CEP128: variants seen among roughly 807,000 people sequenced by gnomAD.
CEP128 encodes centrosomal protein 128kDa.
CEP128 carries 132 observed loss-of-function variants against 156.7 expected under a neutral mutation model. The observed-to-expected ratio is 0.84, with a 90% CI of 0.73 to 0.97. The LOEUF (loss-of-function observed/expected upper bound fraction) is 0.97. Ranked by LOEUF, CEP128 falls within the 50% of genes least tolerant of loss-of-function variation. The probability of loss-of-function intolerance (pLI) is 0.00; values close to 1 mark genes in which losing one functional copy is unlikely to be tolerated. For missense variants in CEP128, 1,252 were observed against 1,281.9 expected (o/e 0.98, Z 0.36); for synonymous variants, 469 against 448.9 (o/e 1.04, Z -0.57).
intron 9 of CEP128, among the ~76,000 whole-genome samples, chr14:80,853,479 C>T (rs2140126109): frequency 6.6e-6 from 1 of 151,064 alleles, no homozygotes; most frequent in East Asian, 1.9e-4. Flanking sequence ...GCCAGTTGTA[C>T]CCCTGTATAC....
At chr14:80,802,603 G>A (rs911497076) in intron 13 of CEP128, among the ~76,000 whole-genome samples, 4 of 151,854 alleles carry the variant, frequency 2.6e-5, no homozygotes, top group African/African-American at 9.7e-5. Flanking sequence ...AACCACCATG[G>A]CACACATATA....
At chr14:80,886,560 T>C (rs905660018) in intron 8 of CEP128, among the ~76,000 whole-genome samples, 1 of 152,168 alleles carries the variant, frequency 6.6e-6, no homozygotes, top group East Asian at 1.9e-4. Flanking sequence ...AATAAAATCC[T>C]TTACAAACAA....
chr14:80,484,919 T>C (rs191372080), intron 14 of CEP128, among the ~76,000 whole-genome samples: 1 of 152,208 alleles, frequency 6.6e-6, no homozygotes, highest in African/African-American at 2.4e-5. Context: ...CTCTAAGAAA[T>C]ACAGTCCCAA....
At chr14:80,835,923 G>T (rs1886049600) in intron 12 of CEP128, among the ~76,000 whole-genome samples, 1 of 152,186 alleles carries the variant, frequency 6.6e-6, no homozygotes, top group Non-Finnish European at 1.5e-5. Flanking sequence ...ATGGGAATCG[G>T]AGGCTGGAAA....
chr14:80,678,766 G>A (rs1047116151), intron 19 of CEP128, among the ~76,000 whole-genome samples: 20 of 152,110 alleles, frequency 1.3e-4, no homozygotes, highest in African/African-American at 4.8e-4. Flanking sequence ...AAAGACACCT[G>A]GAAAAGCTGC....
chr14:80,479,609 G>C, intron 14 of CEP128, among the ~76,000 whole-genome samples: 1 of 152,124 alleles, frequency 6.6e-6, no homozygotes, highest in Non-Finnish European at 1.5e-5. Flanking sequence ...TGGGAATTCT[G>C]GGAGGTAGAA....
intron 4 of CEP128, among the ~76,000 whole-genome samples, chr14:80,914,108 A>G (rs1349102807): frequency 6.6e-6 from 1 of 152,202 alleles, no homozygotes; most frequent in African/African-American, 2.4e-5. Context: ...TCTCTGATGT[A>G]AAGCCTTCAA....
rs142062270 is a variant in CEP128 at position 80,705,986 on chromosome 14, G to A, written c.2806+37089C>T. 7.3e-3 allele frequency among the ~76,000 whole-genome samples: 1,116 copies of A among 152,232 alleles called. 12 individuals are homozygous for A. The highest frequency in any genetic ancestry group is 0.025 in the African/African-American group (1,056 of 41,546). On this transcript the variant is annotated intron_variant, in intron 19 of 24. Transcript: ENST00000555265. ...ACAAGGATGTTGTGTTGTACCACAA[G>A]CAGGTATATATCATCTACATGCTTC...
At chr14:80,922,814 A>C (rs1884944633) in intron 2 of CEP128, among the ~76,000 whole-genome samples, 1 of 152,252 alleles carries the variant, frequency 6.6e-6, no homozygotes, top group Admixed American at 6.5e-5. Context: ...AAGAACTGCT[A>C]AATTTGAAGA....
chr14:80,658,974 A>C (rs1213642183), intron 19 of CEP128, among the ~76,000 whole-genome samples: 1 of 152,212 alleles, frequency 6.6e-6, no homozygotes, highest in Non-Finnish European at 1.5e-5. Flanking sequence ...ACTGACCCAC[A>C]TGAGCAGAAA....
At position 80,519,488 on chromosome 14, in the gene CEP128, G is replaced by A. The variant is rs991036083; in HGVS notation, c.3072+7381C>T. ...TCCCCTGGAGAGAAGGAACAAACAC[G>A]TATGTATTTCAGATTCCCTGGCAAA... On this transcript the variant is annotated intron_variant, in intron 23 of 24. Coordinates refer to ENST00000555265, the MANE Select transcript of CEP128 (RefSeq NM_152446.5). 4.6e-5 allele frequency among the ~76,000 whole-genome samples: 7 copies of A among 152,234 alleles called. No homozygotes were observed. The South Asian group carries it at 1.2e-3, about 27-fold the overall frequency.
intron 13 of CEP128, among the ~76,000 whole-genome samples, chr14:80,799,756 G>A (rs1022583554): frequency 6.6e-6 from 1 of 152,138 alleles, no homozygotes; most frequent in African/African-American, 2.4e-5. Context: ...TTACTAGGGT[G>A]GGGAAAAACT....
intron 19 of CEP128, among the ~76,000 whole-genome samples, chr14:80,653,901 G>C (rs1895021207): frequency 6.6e-6 from 1 of 152,068 alleles, no homozygotes; most frequent in South Asian, 2.1e-4. Context: ...TTATATCCTG[G>C]CATTAAGGAA....
At chr14:80,865,710 A>G (rs1230912159) in intron 8 of CEP128, among the ~76,000 whole-genome samples, 1 of 152,132 alleles carries the variant, frequency 6.6e-6, no homozygotes, top group Admixed American at 6.5e-5. Flanking sequence ...CCCTCTTGCC[A>G]GTCATCTTCT....
chr14:80,743,002 G>GT (rs1898909752), intron 19 of CEP128, 73 bp downstream of exon 19: 2 of 1,376,502 alleles, frequency 1.5e-6, no homozygotes, highest in South Asian at 1.2e-5. Context: ...ACAGAAGTAG[G>GT]TTTTTTTCCA....
At chr14:80,724,289 C>T (rs1439669973) in intron 19 of CEP128, among the ~76,000 whole-genome samples, 1 of 152,152 alleles carries the variant, frequency 6.6e-6, no homozygotes, top group Non-Finnish European at 1.5e-5. Flanking sequence ...ATCCACCCAA[C>T]ATTTGTGGTG....
At chr14:80,732,000 C>G (rs1898294615) in intron 19 of CEP128, among the ~76,000 whole-genome samples, 1 of 151,882 alleles carries the variant, frequency 6.6e-6, no homozygotes, top group Non-Finnish European at 1.5e-5. Flanking sequence ...GTTGAAGATA[C>G]CATAATAAAT....
chr14:80,748,368 CTACT>C (rs959592482), intron 18 of CEP128, among the ~76,000 whole-genome samples: 8 of 152,280 alleles, frequency 5.3e-5, no homozygotes, highest in African/African-American at 1.9e-4. Context: ...TTATAATTTT[CTACT>C]GAAGCACTAA....
intron 21 of CEP128, among the ~76,000 whole-genome samples, chr14:80,548,253 C>A (rs909726474): frequency 2.0e-5 from 3 of 152,084 alleles, no homozygotes; most frequent in African/African-American, 7.2e-5. Context: ...GACTATTAAT[C>A]AGATACTATT....
Sources: gnomAD v4.1 joint callset for allele counts (sites outside exome capture counted in the v4.1 genomes callset) on GRCh38, gnomAD v4.1.1 for gene constraint, MANE v1.5 for transcripts, NCBI Gene and HGNC (gene_info 2026-07-23, HGNC 2026-07-21) for gene names.